Variants in DCLRE1C observed in about 807,000 individuals in gnomAD.
The protein encoded by DCLRE1C is DNA cross-link repair 1C, also known as protein artemis.
Under a neutral mutation model 61.4 loss-of-function variants are expected in DCLRE1C, and 47 were observed. That is an observed-to-expected ratio of 0.77 (90% CI 0.61 to 0.98). The LOEUF is 0.98. DCLRE1C is among the 50% of genes least tolerant of loss of function. The probability of loss-of-function intolerance (pLI) is 0.00; values close to 1 mark genes in which losing one functional copy is unlikely to be tolerated. For missense variants in DCLRE1C, 858 were observed against 816.0 expected (o/e 1.05, Z -0.63); for synonymous variants, 337 against 287.6 (o/e 1.17, Z -1.74).
At position 14,935,496 on chromosome 10, in the gene DCLRE1C, G is replaced by C. The variant is rs780426784; in HGVS notation, c.431C>G (p.Ala144Gly). The C allele has an allele frequency of 1.2e-6, 2 of 1,614,068 alleles. No individual in the cohort carries two copies. The highest frequency in any genetic ancestry group is 2.2e-5 in the South Asian group (2 of 91,080). The change falls in exon 6 of 14, where the codon GCT (alanine) becomes GGT (glycine). Residue 144 changes from alanine (A) to glycine (G), a missense_variant. By Grantham distance (60) the Ala-to-Gly change is moderately conservative. This residue lies in a region of DCLRE1C where 843 missense variants were observed against 783.5 expected (regional missense o/e 1.08). Transcript: ENST00000378278. The part of the protein sequence containing the change: ...TGDFRLAQGE[A>G]ARMELLHSGG... ...GGAGTGCAGAAGCTCCATTCTAGCAGCTTCTCCTTGCGCCAATCTGAAGTC... is the reference window on the plus strand; with the variant it reads ...GGAGTGCAGAAGCTCCATTCTAGCACCTTCTCCTTGCGCCAATCTGAAGTC...
chr10:14,943,141 AG>A (rs1841145275), intron 3 of DCLRE1C, among the ~76,000 whole-genome samples: 1 of 152,078 alleles, frequency 6.6e-6, no homozygotes, highest in East Asian at 1.9e-4. Context: ...GAAAAAAAAA[AG>A]TAAACAGACT....
At chr10:14,931,595 A>G (rs1839002490) in intron 9 of DCLRE1C, among the ~76,000 whole-genome samples, 2 of 152,048 alleles carry the variant, frequency 1.3e-5, no homozygotes, top group African/African-American at 4.8e-5. Context: ...AAGAAGACAA[A>G]TGACATGTGA....
Position 14,934,504 on chromosome 10 carries a change from C to G in DCLRE1C, c.554G>C (p.Gly185Ala), listed in dbSNP as rs1336396486. The change falls in exon 8 of 14, where the codon GGA becomes GCA. Residue 185 changes from glycine to alanine, a missense_variant. Physicochemically the swap from Gly to Ala is moderately conservative, Grantham distance 60 (BLOSUM62 0). Coordinates refer to ENST00000378278, the MANE Select transcript of DCLRE1C (RefSeq NM_001033855.3). Reference protein sequence around the residue: ...QIPSREECLSGVLELVRSWIT... With the variant: ...QIPSREECLSAVLELVRSWIT... ...CCAGCTTCGGACCAGCTCTAAGACT[C>G]CACTTAAACACTCCTCCTAGACAGG... The G allele has an allele frequency of 1.2e-6, 2 of 1,614,148 alleles. No individual in the cohort carries two copies. The highest frequency in any genetic ancestry group is 2.2e-5 in the South Asian group (2 of 91,084).
At position 14,932,922 on chromosome 10, in the gene DCLRE1C, T is replaced by C. The variant is rs757591183; in HGVS notation, c.712A>G (p.Met238Val). 6.2e-7 allele frequency: 1 copy of C among 1,614,258 alleles called. No homozygotes were observed. The highest frequency in any genetic ancestry group is 1.1e-5 in the South Asian group (1 of 91,088). ...HVNKLDMFRN[M>V]PEILHHLTTD... ...GTGAGATGATGAAGGATCTCAGGCATGTTCCTAAACATGTCTAGCTTATTC... is the reference window on the plus strand; with the variant it reads ...GTGAGATGATGAAGGATCTCAGGCACGTTCCTAAACATGTCTAGCTTATTC... The change falls in exon 9 of 14, where the codon ATG becomes GTG. Residue 238 changes from methionine (M) to valine (V), a missense_variant. Transcript: ENST00000378278.
At chr10:14,940,297 T>A (rs1161993619) in intron 3 of DCLRE1C, among the ~76,000 whole-genome samples, 3 of 151,178 alleles carry the variant, frequency 2.0e-5, no homozygotes, top group Non-Finnish European at 2.9e-5. Context: ...TTTATTTTTT[T>A]TTTTTTTCTC....
At chr10:14,932,816 T>A (rs368663071) in intron 9 of DCLRE1C, 38 bp downstream of exon 9, 5 of 1,609,180 alleles carry the variant, frequency 3.1e-6, no homozygotes, top group Admixed American at 3.3e-5. Flanking sequence ...TTTCATAGAT[T>A]ACACAAACAA....
chr10:14,940,805 G>A (rs1265218658), intron 3 of DCLRE1C, among the ~76,000 whole-genome samples: 1 of 152,208 alleles, frequency 6.6e-6, no homozygotes, highest in Non-Finnish European at 1.5e-5. Context: ...TCTTATTCAT[G>A]ATGTACTATT....
chr10:14,926,042 A>G (rs1008387825), intron 11 of DCLRE1C, among the ~76,000 whole-genome samples: 3 of 152,126 alleles, frequency 2.0e-5, no homozygotes, highest in African/African-American at 7.2e-5. Flanking sequence ...GTGAAGAAGG[A>G]TGTGTTTGCT....
intron 11 of DCLRE1C, among the ~76,000 whole-genome samples, chr10:14,925,844 C>T (rs41298916): frequency 2.0e-3 from 304 of 152,310 alleles, no homozygotes; most frequent in African/African-American, 6.6e-3. Flanking sequence ...GGTTTGGCTG[C>T]GTCCCTACCC....
chr10:14,912,478 T>A (rs192142478), intron 13 of DCLRE1C, among the ~76,000 whole-genome samples: 84 of 152,314 alleles, frequency 5.5e-4, no homozygotes, highest in African/African-American at 1.7e-3. Flanking sequence ...AGACTTGTAC[T>A]CAAATTTTCA....
At chr10:14,902,791 G>A (rs553512697), downstream of DCLRE1C, 29 of 200,126 alleles carry the variant, frequency 1.4e-4, no homozygotes, top group African/African-American at 6.7e-4. Context: ...AAGTCTATGT[G>A]AACAGAGAAA....
At chr10:14,897,478 G>A (rs1664629687) in exon 14 of DCLRE1C, 1 of 1,576,050 alleles carries the variant, frequency 6.3e-7, no homozygotes, top group Non-Finnish European at 8.6e-7. Context: ...CCCTTGTGAA[G>A]ATTAAAAGAA....
intron 13 of DCLRE1C, among the ~76,000 whole-genome samples, chr10:14,914,761 A>G (rs573905347): frequency 6.6e-6 from 1 of 152,288 alleles, no homozygotes; most frequent in South Asian, 2.1e-4. Context: ...CAACATGGCA[A>G]AACCCTGTGG....
chr10:14,933,865 T>G lies in DCLRE1C; in HGVS notation c.678+515A>C, dbSNP rs369373424. ...GCCATTTTGGCTTCTGTCAATTTTC[T>G]CCCAGGAGGATGTGACTGAACTAAG... On this transcript the variant is annotated intron_variant, in intron 8 of 13. Transcript: ENST00000378278. Among the ~76,000 whole-genome samples, 8 of 152,190 alleles carry G rather than the reference T, an allele frequency of 5.3e-5. No individual in the cohort carries two copies. In the South Asian group the frequency reaches 1.7e-3, roughly 32 times the overall value.
At chr10:14,924,187 C>G (rs1178177930) in intron 11 of DCLRE1C, among the ~76,000 whole-genome samples, 1 of 152,264 alleles carries the variant, frequency 6.6e-6, no homozygotes, top group Non-Finnish European at 1.5e-5. Context: ...CTTGCTCTCT[C>G]TCACTCGCGT....
chr10:14,921,859 T>C (rs957492105), intron 12 of DCLRE1C, among the ~76,000 whole-genome samples: 5 of 152,164 alleles, frequency 3.3e-5, no homozygotes, highest in Admixed American at 3.3e-4. Context: ...ATGGTTTTAG[T>C]TCTCACCTGC....
At chr10:14,929,420 T>TAAA (rs1838595457) in intron 9 of DCLRE1C, among the ~76,000 whole-genome samples, 1 of 141,062 alleles carries the variant, frequency 7.1e-6, no homozygotes, top group Non-Finnish European at 1.5e-5. Flanking sequence ...CCATTTTTTT[T>TAAA]TAATTAAAAA....
intron 8 of DCLRE1C, 123 bp from the exon 9 acceptor site, chr10:14,933,078 T>A: frequency 8.7e-7 from 1 of 1,154,694 alleles, no homozygotes; most frequent in Non-Finnish European, 1.3e-6. Flanking sequence ...TCTTGAAAAG[T>A]AGTTTTTGGC....
Position 14,926,894 on chromosome 10 carries a change from A to C in DCLRE1C, c.921T>G (p.Thr307=), listed in dbSNP as rs906231617. 8.1e-6 allele frequency: 13 copies of C among 1,613,276 alleles called. No individual in the cohort carries two copies. The highest frequency in any genetic ancestry group is 1.1e-5 in the Non-Finnish European group (13 of 1,179,326). ...AACAAGCTCTGTATGAACTCTCTCC[A>C]GTCCTAAAGGGAAGTGAAAACACAA... ...RSRKTNVIVR[T]GESSYRACFS... Residue 307 remains threonine, a synonymous_variant, in exon 11 of 14, where the codon ACT becomes ACG. Transcript: ENST00000378278.
Sources: gnomAD v4.1 joint callset for allele counts (sites outside exome capture counted in the v4.1 genomes callset) on GRCh38, gnomAD v4.1.1 for gene constraint, gnomAD v4.1.1 regional missense constraint, MANE v1.5 for transcripts, NCBI Gene and HGNC (gene_info 2026-07-23, HGNC 2026-07-21) for gene names.